RARB: variants seen among roughly 807,000 people sequenced by gnomAD.
RARB encodes HBV-activated protein.
A neutral mutation model predicts 51.9 loss-of-function variants in RARB; 17 were observed. That is an observed-to-expected ratio of 0.33 (90% CI 0.22 to 0.49). The LOEUF (loss-of-function observed/expected upper bound fraction) is 0.49. RARB is among the 20% of genes least tolerant of loss of function. The pLI is 0.99. For missense variants in RARB, 369 were observed against 550.8 expected (o/e 0.67, Z 3.30); for synonymous variants, 215 against 195.4 (o/e 1.10, Z -0.84).
At chr3:25,575,137 G>A (rs1389710543) in intron 4 of RARB, among the ~76,000 whole-genome samples, 2 of 152,168 alleles carry the variant, frequency 1.3e-5, no homozygotes, top group African/African-American at 4.8e-5. Context: ...TGAAACTCAT[G>A]AAGGACAACT....
At chr3:25,379,300 G>A (rs1706557539) in intron 5 of RARB, among the ~76,000 whole-genome samples, 1 of 152,116 alleles carries the variant, frequency 6.6e-6, no homozygotes, top group Non-Finnish European at 1.5e-5. Flanking sequence ...AGCTAGAGTA[G>A]GAGGTGAGGA....
chr3:25,454,041 T>C (rs544942138), intron 1 of RARB, among the ~76,000 whole-genome samples: 2 of 152,342 alleles, frequency 1.3e-5, no homozygotes, highest in South Asian at 4.1e-4. Flanking sequence ...TGAAAGATGA[T>C]TAAAAGCAGA....
At chr3:24,876,835 T>A (rs1703053887) in intron 2 of RARB, among the ~76,000 whole-genome samples, 1 of 152,168 alleles carries the variant, frequency 6.6e-6, no homozygotes, top group East Asian at 1.9e-4. Context: ...ATAGTGGCAT[T>A]TCATTTATCA....
At chr3:25,356,046 A>G (rs1705724346) in intron 5 of RARB, among the ~76,000 whole-genome samples, 1 of 152,162 alleles carries the variant, frequency 6.6e-6, no homozygotes, top group African/African-American at 2.4e-5. Context: ...GTTAATAGAA[A>G]GGAGATGTAG....
chr3:25,487,918 A>C (rs1467584781), intron 2 of RARB, among the ~76,000 whole-genome samples: 2 of 152,208 alleles, frequency 1.3e-5, no homozygotes, highest in African/African-American at 4.8e-5. Context: ...TTAATACATG[A>C]AGCTTTATAT....
chr3:24,906,023 G>A (rs1401707433), intron 2 of RARB, among the ~76,000 whole-genome samples: 1 of 151,886 alleles, frequency 6.6e-6, no homozygotes, highest in Non-Finnish European at 1.5e-5. Flanking sequence ...ATAAGACCTG[G>A]GGTACCACAG....
intron 3 of RARB, among the ~76,000 whole-genome samples, chr3:25,505,970 G>T (rs1697566196): frequency 6.6e-6 from 1 of 152,146 alleles, no homozygotes; most frequent in African/African-American, 2.4e-5. Context: ...GATTTAAGAT[G>T]ATACTGTTTA....
chr3:25,543,711 C>A (rs1279404599), intron 3 of RARB, among the ~76,000 whole-genome samples: 1 of 152,170 alleles, frequency 6.6e-6, no homozygotes, highest in Non-Finnish European at 1.5e-5. Context: ...TAATAGCCTG[C>A]CAGTGGGGGC....
chr3:25,028,796 A>G (rs562664323), intron 2 of RARB, among the ~76,000 whole-genome samples: 52 of 152,294 alleles, frequency 3.4e-4, no homozygotes, highest in Non-Finnish European at 6.5e-4. Flanking sequence ...TTTCTGGAAA[A>G]GCTATGGAGA....
chr3:25,151,838 A>G (rs939634841), intron 4 of RARB, among the ~76,000 whole-genome samples: 6 of 152,214 alleles, frequency 3.9e-5, no homozygotes, highest in Non-Finnish European at 7.3e-5. Context: ...AAAACATAAC[A>G]CTGAGAAAGT....
chr3:25,365,304 G>C (rs552757029), intron 5 of RARB, among the ~76,000 whole-genome samples: 2 of 141,670 alleles, frequency 1.4e-5, no homozygotes, highest in East Asian at 4.5e-4. Context: ...TGAAGGTGGG[G>C]TTTCACCATG....
At chr3:24,907,816 T>G (rs150163565) in intron 2 of RARB, among the ~76,000 whole-genome samples, 48 of 152,274 alleles carry the variant, frequency 3.2e-4, no homozygotes, top group African/African-American at 1.1e-3. Flanking sequence ...TCCATACCTT[T>G]AAATATAGAA....
chr3:25,298,907 G>C (rs1443892374), intron 5 of RARB, among the ~76,000 whole-genome samples: 1 of 152,236 alleles, frequency 6.6e-6, no homozygotes, highest in East Asian at 1.9e-4. Flanking sequence ...TTCCTGGAGA[G>C]ACCTGGAATA....
intron 1 of RARB, among the ~76,000 whole-genome samples, chr3:25,430,589 G>A (rs1335012858): frequency 6.6e-6 from 1 of 152,196 alleles, no homozygotes; most frequent in African/African-American, 2.4e-5. Flanking sequence ...AGGGGGAAAA[G>A]CTTTGTTTGT....
chr3:25,274,410 C>G (rs971827661), intron 5 of RARB, among the ~76,000 whole-genome samples: 2 of 152,112 alleles, frequency 1.3e-5, no homozygotes, highest in Non-Finnish European at 2.9e-5. Context: ...ATGCTTATCC[C>G]GATTCAGCCT....
chr3:25,578,120 T>A (rs1176694654), intron 4 of RARB, among the ~76,000 whole-genome samples: 1 of 152,234 alleles, frequency 6.6e-6, no homozygotes, highest in Non-Finnish European at 1.5e-5. Context: ...TCAGAAATGC[T>A]GCTGAAAATC....
chr3:25,265,668 C>A lies in RARB; in HGVS notation c.178+91093C>A, dbSNP rs114471966. 8.9e-3 allele frequency among the ~76,000 whole-genome samples: 1,358 copies of A among 152,226 alleles called. 24 individuals are homozygous for A. Among genetic ancestry groups the A allele is most frequent in the African/African-American group, 0.031 (1,279 of 41,534 alleles). ...TTGTATTTTTGTAGACACAGGGTTT[C>A]TCCTTGTTGCCCAGACTGGTCTTGA... is the stretch of plus-strand genomic sequence containing the variant. On this transcript the variant is annotated intron_variant, in intron 5 of 11. Coordinates refer to the RARB transcript ENST00000383772.
intron 2 of RARB, among the ~76,000 whole-genome samples, chr3:25,463,341 A>G (rs1015368284): frequency 2.0e-5 from 3 of 152,028 alleles, no homozygotes; most frequent in Non-Finnish European, 4.4e-5. Context: ...CATGTCATAC[A>G]TAGTCTGGCA....
chr3:24,891,707 A>G (rs548451396), intron 2 of RARB, among the ~76,000 whole-genome samples: 1 of 152,316 alleles, frequency 6.6e-6, no homozygotes, highest in African/African-American at 2.4e-5. Context: ...ATTAAAGAAC[A>G]AGACCAACTA....
Sources: allele counts gnomAD v4.1 joint callset (sites outside exome capture counted in the v4.1 genomes callset), GRCh38; gene constraint gnomAD v4.1.1; transcripts MANE v1.5; gene names NCBI Gene and HGNC (gene_info 2026-07-23, HGNC 2026-07-21).